The following PCDHA1 variants were observed in gnomAD, a reference collection of about 807,000 sequenced individuals.
PCDHA1 encodes the protein protocadherin alpha 1, also known as protocadherin alpha-1.
Under a neutral mutation model 61.3 loss-of-function variants are expected in PCDHA1, and 42 were observed. The observed-to-expected ratio is 0.69, with a 90% CI of 0.54 to 0.89. The LOEUF (loss-of-function observed/expected upper bound fraction) is 0.89. Among genes scored for constraint, PCDHA1 ranks in the 40% least tolerant of loss-of-function variants. The pLI is 0.00. For missense variants in PCDHA1, 1,256 were observed against 1,235.3 expected (o/e 1.02, Z -0.25); for synonymous variants, 610 against 553.8 (o/e 1.10, Z -1.43).
chr5:140,858,176 G>A, intron 1 of PCDHA1: 1 of 1,597,746 alleles, frequency 6.3e-7, no homozygotes, highest in Non-Finnish European at 8.6e-7. Flanking sequence ...CAGCTTGCTG[G>A]TGCTCACGCT....
Position 140,856,078 on chromosome 5 carries a change from C to T in PCDHA1, c.2394+67394C>T, listed in dbSNP as rs145849392. On this transcript the variant is annotated intron_variant, in intron 1 of 3. Transcript: ENST00000504120. The stretch of plus-strand genomic sequence containing the variant: ...TTTCCAGATGTAGCTGCCTGGGGGT[C>T]CAGTGTCTGCTGCTCTCGCTTCTTC... 1.4e-3 allele frequency: 2,214 copies of T among 1,594,016 alleles called. 201 individuals are homozygous for T. The highest frequency in any genetic ancestry group is 4.0e-3 in the Admixed American group (234 of 58,882).
At chr5:140,875,921 C>T (rs782082764) in intron 1 of PCDHA1, 57 of 1,614,110 alleles carry the variant, frequency 3.5e-5, no homozygotes, top group Non-Finnish European at 4.8e-5. Context: ...CCTCTGGACT[C>T]TCATTTTCCT....
At chr5:140,837,994 CT>C (rs2150281652) in intron 1 of PCDHA1, among the ~76,000 whole-genome samples, 1 of 150,612 alleles carries the variant, frequency 6.6e-6, no homozygotes, top group Non-Finnish European at 1.5e-5. Flanking sequence ...TTCATCTTTC[CT>C]TTTTTTTAAA....
chr5:141,007,437 A>G (rs913587541), intron 3 of PCDHA1, among the ~76,000 whole-genome samples: 2 of 150,734 alleles, frequency 1.3e-5, no homozygotes, highest in Non-Finnish European at 2.9e-5. Context: ...GCATGGTGGC[A>G]TGTGCCTGTA....
At chr5:140,813,468 T>C (rs1480413491) in intron 1 of PCDHA1, 3 of 152,214 alleles carry the variant, frequency 2.0e-5, no homozygotes, top group Admixed American at 1.3e-4. Flanking sequence ...AGTATTTGTA[T>C]ACCTAAATAT....
intron 2 of PCDHA1, among the ~76,000 whole-genome samples, chr5:140,980,556 G>A (rs1355966555): frequency 6.6e-6 from 1 of 152,126 alleles, no homozygotes; most frequent in Non-Finnish European, 1.5e-5. Flanking sequence ...CTTGAACCCG[G>A]GAGGCGGAAG....
intron 1 of PCDHA1, chr5:140,823,182 A>G (rs2150123254): frequency 2.1e-5 from 34 of 1,613,728 alleles, no homozygotes; most frequent in South Asian, 1.1e-4. Context: ...ACAACCCGCC[A>G]GGCTGCCACA....
At chr5:140,836,951 G>T (rs1344395357) in intron 1 of PCDHA1, 4 of 428,312 alleles carry the variant, frequency 9.3e-6, no homozygotes, top group South Asian at 5.1e-5. Context: ...AAAATCTATG[G>T]TTTATGTTGG....
At chr5:140,928,453 T>C in intron 1 of PCDHA1, 1 of 1,613,888 alleles carries the variant, frequency 6.2e-7, no homozygotes, top group Non-Finnish European at 8.5e-7. Context: ...GCTCAGGGGG[T>C]TTCATTTCCA....
intron 1 of PCDHA1, chr5:140,823,093 G>A (rs2150122208): frequency 6.2e-7 from 1 of 1,614,058 alleles, no homozygotes; most frequent in South Asian, 1.1e-5. Flanking sequence ...CACCGCCAGC[G>A]TGTCTGTGGA....
intron 1 of PCDHA1, chr5:140,808,297 C>T (rs1764140605): frequency 1.2e-6 from 2 of 1,614,254 alleles, no homozygotes; most frequent in Non-Finnish European, 8.5e-7. Flanking sequence ...CAGTCATCGC[C>T]CTGATCAGCG....
intron 1 of PCDHA1, among the ~76,000 whole-genome samples, chr5:140,826,937 T>A (rs1769122740): frequency 6.6e-6 from 1 of 152,164 alleles, no homozygotes; most frequent in African/African-American, 2.4e-5. Context: ...CTTAGGTGGA[T>A]GTGGAATAAG....
chr5:140,857,017 T>C (rs1432761936), intron 1 of PCDHA1: 1 of 1,596,216 alleles, frequency 6.3e-7, no homozygotes, highest in African/African-American at 1.3e-5. Flanking sequence ...ATGTTACAGA[T>C]AAGGGAAACC....
At chr5:140,913,749 G>T (rs1166280044) in intron 1 of PCDHA1, among the ~76,000 whole-genome samples, 22 of 152,098 alleles carry the variant, frequency 1.4e-4, no homozygotes, top group Middle Eastern at 3.4e-3. Context: ...TCCTTTTGTT[G>T]TATCTCATAG....
At chr5:140,882,435 T>C in intron 1 of PCDHA1, 2 of 1,614,036 alleles carry the variant, frequency 1.2e-6, no homozygotes, top group East Asian at 4.5e-5. Context: ...GGGCTGGAGC[T>C]GGCGGAGCTG....
Position 140,966,357 on chromosome 5 carries a change from T to A in PCDHA1, c.2395-12592T>A, listed in dbSNP as rs3756326. ...AGGTCCAGGGTGAAGGAGATGGGGCTGGAGAGGCTGAGCAGTCCGGGTTCG... is the reference window on the plus strand; with the variant it reads ...AGGTCCAGGGTGAAGGAGATGGGGCAGGAGAGGCTGAGCAGTCCGGGTTCG... On this transcript the variant is annotated intron_variant, in intron 1 of 3. Coordinates refer to ENST00000504120, the MANE Select transcript of PCDHA1 (RefSeq NM_018900.4). The A allele has an allele frequency of 3.3e-4, 131 of 400,654 alleles. 3 individuals are homozygous for A. Among genetic ancestry groups the A allele is most frequent in the East Asian group, 2.0e-3 (56 of 27,900 alleles). The allele number at this position is 400,654 out of a possible 1,614,324, so 24.8% of individuals were successfully genotyped here.
chr5:140,927,802 A>G (rs782489417), intron 1 of PCDHA1: 1 of 1,614,030 alleles, frequency 6.2e-7, no homozygotes, highest in African/African-American at 1.3e-5. Flanking sequence ...TCCGCCTGAA[A>G]CGCTCTTGGA....
chr5:140,873,161 C>T (rs946054760), intron 1 of PCDHA1, among the ~76,000 whole-genome samples: 11 of 152,012 alleles, frequency 7.2e-5, no homozygotes, highest in South Asian at 4.2e-4. Context: ...GACTTTAGAT[C>T]GAGAGCTTTT....
At chr5:140,798,270 G>A (rs1452839328) in intron 1 of PCDHA1, among the ~76,000 whole-genome samples, 1 of 152,090 alleles carries the variant, frequency 6.6e-6, no homozygotes, top group African/African-American at 2.4e-5. Flanking sequence ...ACAGCACTTA[G>A]GAATAACTGC....
Sources: allele counts gnomAD v4.1 joint callset (sites outside exome capture counted in the v4.1 genomes callset), GRCh38; gene constraint gnomAD v4.1.1; transcripts MANE v1.5; gene names NCBI Gene and HGNC (gene_info 2026-07-23, HGNC 2026-07-21).